Variants in PIEZO1 observed in about 807,000 individuals in gnomAD.
PIEZO1 encodes piezo-type mechanosensitive ion channel component 1.
PIEZO1 carries 296 observed loss-of-function variants against 297.2 expected under a neutral mutation model. The ratio of observed to expected loss-of-function variants is 1.00; its 90% CI spans 0.91 to 1.10. PIEZO1 has a LOEUF of 1.10. Among genes scored for constraint, PIEZO1 ranks in the 50% least tolerant of loss-of-function variants. PIEZO1 has a pLI of 0.00. For synonymous variants in PIEZO1, 2,427 were observed against 1,507.5 expected (o/e 1.61, Z -14.13); for missense variants, 5,018 against 3,455.5 (o/e 1.45, Z -11.34).
rs543036771 is a variant in PIEZO1, at chr16:88,735,804, ACT to A, written c.1557+342_1557+343del. ...ATGGGCAGAGCCCACGCTCACACAC[ACT>A]GTCAGGGGCGCAGGGGTGGTGCCTG... On this transcript the variant is annotated intron_variant, in intron 12 of 50. Transcript: ENST00000301015. 4.0e-5 allele frequency among the ~76,000 whole-genome samples: 6 copies of A among 151,514 alleles called. No individual in the cohort carries two copies. In the South Asian group the frequency reaches 1.0e-3, roughly 26 times the overall value.
At chr16:88,766,900 C>T (rs1008602510) in intron 1 of PIEZO1, among the ~76,000 whole-genome samples, 1 of 152,216 alleles carries the variant, frequency 6.6e-6, no homozygotes, top group African/African-American at 2.4e-5. Flanking sequence ...TAGAGTGGGC[C>T]TCAGTTTCCC....
intron 28 of PIEZO1, 21 bp from the exon 29 acceptor site, chr16:88,725,540 G>T (rs1030196894): frequency 2.0e-6 from 3 of 1,536,514 alleles, no homozygotes; most frequent in African/African-American, 1.4e-5. Flanking sequence ...GAAAGGTGGG[G>T]TATGCTGAGC....
intron 1 of PIEZO1, among the ~76,000 whole-genome samples, chr16:88,777,222 C>T (rs760045642): frequency 6.6e-6 from 1 of 152,226 alleles, no homozygotes; most frequent in Non-Finnish European, 1.5e-5. Flanking sequence ...CCACCCGTCT[C>T]GGCCTCCCAA....
rs2142831863 is a variant in PIEZO1 at position 88,737,663 on chromosome 16, C to G, written c.1108-17G>C. ...CACCACGTGCTGTGGGCAAGCAGCGCTGAGCCATGCACGGGCTGGCCGGGC... is the reference window on the plus strand; with the variant it reads ...CACCACGTGCTGTGGGCAAGCAGCGGTGAGCCATGCACGGGCTGGCCGGGC... On this transcript the variant is annotated splice_polypyrimidine_tract_variant and intron_variant, in intron 9 of 50. Transcript: ENST00000301015. 1 of 1,533,918 alleles carries G rather than the reference C, an allele frequency of 6.5e-7. No individual in the cohort carries two copies. The highest frequency in any genetic ancestry group is 8.7e-7 in the Non-Finnish European group (1 of 1,145,418).
intron 1 of PIEZO1, among the ~76,000 whole-genome samples, chr16:88,773,919 C>T (rs749646906): frequency 1.3e-5 from 2 of 152,192 alleles, no homozygotes; most frequent in Non-Finnish European, 2.9e-5. Context: ...GTGCCACCAT[C>T]CCTGACCACC....
chr16:88,749,208 C>A (rs139681582), intron 2 of PIEZO1, among the ~76,000 whole-genome samples, 176 bp downstream of exon 2: 7 of 152,080 alleles, frequency 4.6e-5, no homozygotes, highest in African/African-American at 1.7e-4. Context: ...CCACTGCACT[C>A]CAGCCTGGGC....
chr16:88,758,839 T>C (rs985737872), intron 1 of PIEZO1, among the ~76,000 whole-genome samples: 45 of 152,322 alleles, frequency 3.0e-4, no homozygotes, highest in Middle Eastern at 3.4e-3. Flanking sequence ...GCCTGACACA[T>C]AGCATGAGAG....
intron 30 of PIEZO1, among the ~76,000 whole-genome samples, chr16:88,724,376 C>T (rs943551332): frequency 2.6e-5 from 4 of 151,984 alleles, no homozygotes; most frequent in South Asian, 4.1e-4. Context: ...ACTAAAAATA[C>T]GAAAATTAGC....
intron 1 of PIEZO1, among the ~76,000 whole-genome samples, chr16:88,774,806 G>A (rs1455765565): frequency 6.6e-6 from 1 of 152,204 alleles, no homozygotes; most frequent in African/African-American, 2.4e-5. Flanking sequence ...GGCTGCGCAG[G>A]AGCGAACGGT....
At chr16:88,724,968 G>A (rs912363319) in intron 30 of PIEZO1, 41 bp downstream of exon 30, 15 of 1,268,614 alleles carry the variant, frequency 1.2e-5, no homozygotes, top group African/African-American at 1.6e-5. Context: ...GGGGCACAGA[G>A]GGCCTGAGAG....
In PIEZO1 at chr16:88,738,770, G is replaced by A. The variant is rs574296845; in HGVS notation, c.466-34C>T. On this transcript the variant is annotated intron_variant, in intron 5 of 50. Coordinates refer to ENST00000301015, the MANE Select transcript of PIEZO1 (RefSeq NM_001142864.4). ...GTCACGGACAGGGGCAAGGTCAGGT[G>A]TATCGCACTGACGCCACCTCTCCAG... The A allele has an allele frequency of 4.0e-5, 60 of 1,505,444 alleles. No individual in the cohort carries two copies. In the East Asian group the frequency reaches 1.3e-3, roughly 34 times the overall value. 93.3% of individuals were successfully genotyped at this position (1,505,444 alleles called of 1,614,324 possible). A position where few individuals can be genotyped will look rare whatever the true frequency, so the allele number is the denominator to read the frequency against.
chr16:88,717,321 G>C (rs906829985), intron 44 of PIEZO1, 110 bp from the exon 45 acceptor site: 3 of 905,030 alleles, frequency 3.3e-6, no homozygotes, highest in East Asian at 2.6e-5. Context: ...CCTGACCTCA[G>C]TATGGCACAG....
At chr16:88,722,543 C>T in intron 35 of PIEZO1, 40 bp downstream of exon 35, 1 of 1,457,060 alleles carries the variant, frequency 6.9e-7, no homozygotes. Context: ...GCCCACACAC[C>T]AGGGGCAGCA....
At chr16:88,735,929 G>A (rs1248642354) in intron 12 of PIEZO1, among the ~76,000 whole-genome samples, 3 of 152,238 alleles carry the variant, frequency 2.0e-5, no homozygotes, top group East Asian at 3.8e-4. Flanking sequence ...AGGGCACAGG[G>A]GTGGTGCCCG....
chr16:88,719,877 C>G lies in PIEZO1; in HGVS notation c.6248G>C (p.Cys2083Ser). 1 of 1,550,622 alleles carries G rather than the reference C, an allele frequency of 6.4e-7. No individual in the cohort carries two copies. Among genetic ancestry groups the G allele is most frequent in the Non-Finnish European group, 8.7e-7 (1 of 1,146,952 alleles). ...YFALSAYQIR[C>S]GYPTRILGNF... ...GCCGAGGATGCGGGTGGGGTAGCCG[C>G]AGCGGATCTGGTAGGCGGACAGGGC... Residue 2083 changes from cysteine (C) to serine (S), a missense_variant, in exon 43 of 51, where the codon TGC becomes TCC. Transcript: ENST00000301015.
At chr16:88,773,190 C>T (rs191668827) in intron 1 of PIEZO1, among the ~76,000 whole-genome samples, 1 of 152,242 alleles carries the variant, frequency 6.6e-6, no homozygotes, top group African/African-American at 2.4e-5. Flanking sequence ...TGAGCCTCCC[C>T]CTCTGGCCCC....
At chr16:88,767,674 T>C (rs1907238660) in intron 1 of PIEZO1, among the ~76,000 whole-genome samples, 1 of 152,170 alleles carries the variant, frequency 6.6e-6, no homozygotes, top group Non-Finnish European at 1.5e-5. Flanking sequence ...TGCTGTCCCC[T>C]GGCTCAGAGG....
In PIEZO1 at chr16:88,716,009, C is replaced by G; in HGVS notation, c.7240G>C (p.Asp2414His). 1.3e-6 allele frequency: 2 copies of G among 1,550,194 alleles called. No homozygotes were observed. The highest frequency in any genetic ancestry group is 8.7e-7 in the Non-Finnish European group (1 of 1,146,904). The change falls in exon 50 of 51, where the codon GAC (aspartate) becomes CAC (histidine). Residue 2414 changes from aspartate (D) to histidine (H), a missense_variant. By Grantham distance (81) the Asp-to-His change is moderately conservative. Transcript: ENST00000301015. ...ATGACCATGGGCAGCAGGTTGCAGT[C>G]GGTCCGGCACTCCTGCAGCTCGATG... ...WVIELQECRT[D>H]CNLLPMVIFS...
chr16:88,715,480 G>T lies in PIEZO1; in HGVS notation c.*125C>A. 3 of 1,074,714 alleles carry T rather than the reference G, an allele frequency of 2.8e-6. No individual in the cohort carries two copies. The South Asian group carries it at 4.6e-5, about 17-fold the overall frequency. 66.6% of individuals were successfully genotyped at this position (1,074,714 alleles called of 1,614,324 possible). A position where few individuals can be genotyped will look rare whatever the true frequency, so the allele number is the denominator to read the frequency against. ...CAGCATCAGGGCTCAGGCAGGCCGG[G>T]AGGATGCATCACAGCTGGCGGCCTT... On this transcript the variant is annotated 3_prime_UTR_variant, in exon 51 of 51. Transcript: ENST00000301015.
Sources: gnomAD v4.1 joint callset for allele counts (sites outside exome capture counted in the v4.1 genomes callset) on GRCh38, gnomAD v4.1.1 for gene constraint, MANE v1.5 for transcripts, NCBI Gene and HGNC (gene_info 2026-07-23, HGNC 2026-07-21) for gene names.